Variants in PCMTD2 observed in about 807,000 individuals in gnomAD.
The protein encoded by PCMTD2 is protein-L-isoaspartate O-methyltransferase domain-containing protein 2.
In PCMTD2, 16 loss-of-function variants were observed where a neutral mutation model predicts 33.4. That is an observed-to-expected ratio of 0.48 (90% CI 0.32 to 0.73). The LOEUF (loss-of-function observed/expected upper bound fraction) is 0.73. Ranked by LOEUF, PCMTD2 falls within the 30% of genes least tolerant of loss-of-function variation. The probability of loss-of-function intolerance (pLI) is 0.03; values close to 1 mark genes in which losing one functional copy is unlikely to be tolerated. For synonymous variants in PCMTD2, 161 were observed against 160.8 expected (o/e 1.00, Z -0.01); for missense variants, 374 against 449.9 (o/e 0.83, Z 1.53).
chr20:64,272,028 A>C (rs1985933024), intron 5 of PCMTD2: 1 of 354,892 alleles, frequency 2.8e-6, no homozygotes, highest in Non-Finnish European at 5.6e-6. Context: ...AGTGAAGAGA[A>C]AGGACTGAAG....
chr20:64,258,154 G>A (rs1200577474), intron 1 of PCMTD2, among the ~76,000 whole-genome samples: 2 of 152,192 alleles, frequency 1.3e-5, no homozygotes, highest in East Asian at 1.9e-4. Context: ...GACGGTATGC[G>A]ATTTTCCAGC....
intron 2 of PCMTD2, among the ~76,000 whole-genome samples, chr20:64,263,799 T>G (rs952040509): frequency 6.6e-6 from 1 of 152,188 alleles, no homozygotes; most frequent in African/African-American, 2.4e-5. Flanking sequence ...TTTTGCCCGA[T>G]TTTTACCTTC....
At chr20:64,264,005 T>C (rs1034204469) in intron 2 of PCMTD2, among the ~76,000 whole-genome samples, 1 of 152,216 alleles carries the variant, frequency 6.6e-6, no homozygotes, top group African/African-American at 2.4e-5. Flanking sequence ...CTTGGAAGCA[T>C]AGTTTTATCT....
chr20:64,267,762 A>T, intron 4 of PCMTD2, 125 bp from the exon 5 acceptor site: 1 of 771,160 alleles, frequency 1.3e-6, no homozygotes, highest in Non-Finnish European at 2.1e-6. Context: ...AGGGGTCCGT[A>T]TGTCAAGATA....
chr20:64,268,460 G>T (rs1334913207), intron 5 of PCMTD2, among the ~76,000 whole-genome samples: 1 of 152,220 alleles, frequency 6.6e-6, no homozygotes, highest in Non-Finnish European at 1.5e-5. Context: ...ATCTGCTGGG[G>T]TGTGGATAGG....
rs191103179 is a variant in PCMTD2 at position 64,256,791 on chromosome 20, A to T, written c.-25+921A>T. ...GGCTTATCAAGAGCTCCTTTCATTC[A>T]TTGCAACTTCATTTGTTAGAAAGCT... On this transcript the variant is annotated intron_variant, in intron 1 of 5. Transcript: ENST00000308824. 6.6e-5 allele frequency: 10 copies of T among 152,326 alleles called. No homozygotes were observed. The East Asian group carries it at 1.9e-3, about 29-fold the overall frequency. The allele number at this position is 152,326 out of a possible 1,614,324, so 9.4% of individuals were successfully genotyped here.
chr20:64,256,351 A>G (rs1011069288), intron 1 of PCMTD2, among the ~76,000 whole-genome samples: 1 of 152,168 alleles, frequency 6.6e-6, no homozygotes, highest in Non-Finnish European at 1.5e-5. Context: ...ACGCATGGAA[A>G]GAGATCTTTG....
intron 5 of PCMTD2, chr20:64,271,689 A>T (rs1342808383): frequency 6.4e-6 from 1 of 155,060 alleles, no homozygotes; most frequent in Non-Finnish European, 1.4e-5. Flanking sequence ...AACCTTAGGG[A>T]GCAGCACTGG....
At chr20:64,263,164 C>A (rs1429588314) in intron 2 of PCMTD2, among the ~76,000 whole-genome samples, 3 of 152,172 alleles carry the variant, frequency 2.0e-5, no homozygotes, top group African/African-American at 7.2e-5. Flanking sequence ...TTTTTGGTCT[C>A]TGGCAGAGTC....
In PCMTD2 at chr20:64,268,122, C is replaced by T. The variant is rs920070396; in HGVS notation, c.706+112C>T. On this transcript the variant is annotated intron_variant, in intron 5 of 5. Coordinates refer to ENST00000308824, the MANE Select transcript of PCMTD2 (RefSeq NM_018257.3). ...CTTTTGATATTAAAAAGCACCACTC[C>T]CATGCTGAAACTGTAAAATTCTACA... The T allele has an allele frequency of 7.2e-6, 4 of 557,652 alleles. No homozygotes were observed. The African/African-American group carries it at 9.5e-5, about 13-fold the overall frequency. The allele number at this position is 557,652 out of a possible 1,614,324, so 34.5% of individuals were successfully genotyped here.
chr20:64,257,881 C>T (rs2145751961), intron 1 of PCMTD2, among the ~76,000 whole-genome samples: 1 of 152,302 alleles, frequency 6.6e-6, no homozygotes, highest in African/African-American at 2.4e-5. Context: ...AATTAACCGG[C>T]CAGCTCCAAT....
chr20:64,272,505 C>G (rs894257504), intron 5 of PCMTD2, among the ~76,000 whole-genome samples: 28 of 152,210 alleles, frequency 1.8e-4, no homozygotes, highest in African/African-American at 6.3e-4. Context: ...GTGTAAATAA[C>G]TATGAAAATA....
At chr20:64,263,224 A>C (rs1985507106) in intron 2 of PCMTD2, among the ~76,000 whole-genome samples, 1 of 152,220 alleles carries the variant, frequency 6.6e-6, no homozygotes, top group Non-Finnish European at 1.5e-5. Context: ...AGAGTAATTC[A>C]GGATTTGATG....
At chr20:64,272,852 A>G (rs1189026165) in intron 5 of PCMTD2, among the ~76,000 whole-genome samples, 1 of 152,188 alleles carries the variant, frequency 6.6e-6, no homozygotes. Context: ...TATTCACTGT[A>G]TTACTAGTAG....
rs760649193 is a variant in PCMTD2, at chr20:64,260,073, C to T, written c.108C>T (p.Ile36=). ...TGGTAGAGCAGGCTTTCAGAGCTATCGATCGTGCAGACTATTATCTTGAAG... is the reference window on the plus strand; with the variant it reads ...TGGTAGAGCAGGCTTTCAGAGCTATTGATCGTGCAGACTATTATCTTGAAG... ...TELVEQAFRA[I]DRADYYLEEF... is the part of the protein sequence containing the mutation. Residue 36 remains isoleucine (I), a synonymous_variant, in exon 2 of 6, where the codon ATC becomes ATT. Transcript: ENST00000308824. The T allele has an allele frequency of 6.2e-6, 10 of 1,611,370 alleles. No homozygotes were observed. Among genetic ancestry groups the T allele is most frequent in the Middle Eastern group, 1.6e-4 (1 of 6,076 alleles).
Position 64,273,471 on chromosome 20 carries a change from GGAA to G in PCMTD2, c.966_968del (p.Glu323del), listed in dbSNP as rs542704294. The G allele has an allele frequency of 8.4e-5, 136 of 1,612,736 alleles. 1 individual carries two copies. In the East Asian group the frequency reaches 1.2e-3, roughly 15 times the overall value. On this transcript the variant is annotated inframe_deletion, in exon 6 of 6. Transcript: ENST00000308824. ...GTGAAGACTTGGAAGAGGAACGGAG[GGAA>G]GAAGAAGAGAAGACCCCGCCGGAAA...
chr20:64,272,199 G>A (rs1472267196), intron 5 of PCMTD2: 8 of 349,546 alleles, frequency 2.3e-5, no homozygotes, highest in East Asian at 2.1e-4. Context: ...CAGTGGAGAT[G>A]CTGAGATTCT....
intron 2 of PCMTD2, 51 bp downstream of exon 2, chr20:64,260,323 A>T (rs1040333629): frequency 7.6e-7 from 1 of 1,310,448 alleles, no homozygotes; most frequent in Non-Finnish European, 1.1e-6. Context: ...GGAAGGAGGC[A>T]TCTCCTTTGA....
intron 1 of PCMTD2, among the ~76,000 whole-genome samples, chr20:64,259,476 C>T (rs763200283): frequency 1.3e-4 from 20 of 149,384 alleles, no homozygotes; most frequent in South Asian, 1.3e-3. Context: ...GCAACCTCTG[C>T]CTCCCGGGTT....
Sources: allele counts gnomAD v4.1 joint callset (sites outside exome capture counted in the v4.1 genomes callset), GRCh38; gene constraint gnomAD v4.1.1; transcripts MANE v1.5; gene names NCBI Gene and HGNC (gene_info 2026-07-23, HGNC 2026-07-21).